Variants in CYP3A43 observed in about 807,000 individuals in gnomAD.
The protein encoded by CYP3A43 is cytochrome P450 family 3 subfamily A member 43, also known as cytochrome P450 3A43.
Under a neutral mutation model 58.0 loss-of-function variants are expected in CYP3A43, and 45 were observed. That is an observed-to-expected ratio of 0.78 (90% confidence interval 0.61 to 0.99). CYP3A43 has a LOEUF of 0.99. CYP3A43 is among the 50% of genes least tolerant of loss of function. The pLI is 0.00. For synonymous variants in CYP3A43, 191 were observed against 201.4 expected, an observed-to-expected ratio of 0.95 and a Z score of 0.44; for missense variants, 593 against 591.9, an observed-to-expected ratio of 1.00 and a Z score of -0.02.
chr7:99,852,643 C>G (rs571906911), intron 7 of CYP3A43, among the ~76,000 whole-genome samples: 33 of 152,204 alleles, frequency 2.2e-4, no homozygotes, highest in African/African-American at 7.5e-4. Context: ...TATTGACCTT[C>G]TATCTTCAAA....
chr7:99,834,087 C>T (rs1045849642), intron 1 of CYP3A43, among the ~76,000 whole-genome samples: 3 of 152,212 alleles, frequency 2.0e-5, no homozygotes, highest in South Asian at 2.1e-4. Context: ...AAATTTTTCA[C>T]ATACTCTTCC....
At chr7:99,847,707 A>C in intron 5 of CYP3A43, 106 bp downstream of exon 5, 2 of 1,551,346 alleles carry the variant, frequency 1.3e-6, no homozygotes, top group Non-Finnish European at 1.8e-6. Context: ...ACTGAGTTTG[A>C]GCTTTCTAAA....
intron 10 of CYP3A43, among the ~76,000 whole-genome samples, 154 bp downstream of exon 10, chr7:99,860,144 G>A (rs778320555): frequency 7.9e-5 from 12 of 152,202 alleles, no homozygotes; most frequent in Non-Finnish European, 1.5e-4. Context: ...AAAACAAAGG[G>A]AGAATCGTAG....
In CYP3A43 at chr7:99,848,157, G is replaced by A. The variant is rs371251791; in HGVS notation, c.433-9G>A. On this transcript the variant is annotated splice_polypyrimidine_tract_variant and intron_variant, in intron 5 of 12. Transcript: ENST00000354829. Reference sequence around the variant, plus strand: ...TGCGTAGTTAACTATGGGTGGTGTTGTGTTTTAGATGGTCCCCATCATTTC... The same window carrying A: ...TGCGTAGTTAACTATGGGTGGTGTTATGTTTTAGATGGTCCCCATCATTTC... 2 of 1,613,884 alleles carry A rather than the reference G, an allele frequency of 1.2e-6. No homozygotes were observed. The highest frequency in any genetic ancestry group is 1.7e-6 in the Non-Finnish European group (2 of 1,179,924).
At chr7:99,857,338 T>G (rs2151620624) in intron 9 of CYP3A43, among the ~76,000 whole-genome samples, 1 of 152,330 alleles carries the variant, frequency 6.6e-6, no homozygotes, top group Middle Eastern at 3.4e-3. Context: ...CCCTATATAA[T>G]GGAAAAGTAA....
At chr7:99,851,599 C>G (rs1817763513) in intron 7 of CYP3A43, among the ~76,000 whole-genome samples, 1 of 152,140 alleles carries the variant, frequency 6.6e-6, no homozygotes, top group Non-Finnish European at 1.5e-5. Flanking sequence ...AATGTCTGTT[C>G]AAGTCTTTTG....
chr7:99,843,043 A>T (rs947366982), intron 3 of CYP3A43, among the ~76,000 whole-genome samples: 1 of 152,156 alleles, frequency 6.6e-6, no homozygotes, highest in Non-Finnish European at 1.5e-5. Flanking sequence ...CTTTGCCTCT[A>T]TTCTCTCTTT....
rs17342647 is a variant in CYP3A43, at chr7:99,861,633, C to G, written c.1047C>G (p.Ala349=). Residue 349 remains alanine, a synonymous_variant, in exon 11 of 13, where the codon GCC becomes GCG. Transcript: ENST00000354829. Reference sequence around the variant, plus strand: ...CCCAGGCACCTGTCACCTACGATGCCCTGGTACAGATGGAGTACCTTGACA... The same window carrying G: ...CCCAGGCACCTGTCACCTACGATGCGCTGGTACAGATGGAGTACCTTGACA... ...LPNKAPVTYD[A]LVQMEYLDMV... 2 of 1,613,810 alleles carry G rather than the reference C, an allele frequency of 1.2e-6. No homozygotes were observed. Among genetic ancestry groups the G allele is most frequent in the East Asian group, 2.2e-5 (1 of 44,890 alleles).
chr7:99,848,265 C>A lies in CYP3A43; in HGVS notation c.521+11C>A. On this transcript the variant is annotated intron_variant, in intron 6 of 12. Transcript: ENST00000354829. ...CATCAACTTGAAAGAGTAAGTAGCA[C>A]AGTCTTGAGGTTCTGAGCTGTCATG... 4 of 1,613,654 alleles carry A rather than the reference C, an allele frequency of 2.5e-6. No individual in the cohort carries two copies. The highest frequency in any genetic ancestry group is 3.4e-6 in the Non-Finnish European group (4 of 1,179,750).
chr7:99,858,693 T>C (rs1364167139), intron 9 of CYP3A43, among the ~76,000 whole-genome samples: 1 of 105,468 alleles, frequency 9.5e-6, no homozygotes, highest in Non-Finnish European at 2.2e-5. Context: ...ATTATTATTA[T>C]TATTATTATT....
chr7:99,839,795 G>A (rs1325864747), intron 3 of CYP3A43, among the ~76,000 whole-genome samples: 1 of 152,178 alleles, frequency 6.6e-6, no homozygotes, highest in Non-Finnish European at 1.5e-5. Flanking sequence ...GATTTACATA[G>A]GGCATGAAAG....
At chr7:99,855,979 C>T (rs45480594) in intron 8 of CYP3A43, among the ~76,000 whole-genome samples, 25 of 152,036 alleles carry the variant, frequency 1.6e-4, no homozygotes, top group African/African-American at 2.9e-4. Flanking sequence ...GAAGCTTTAC[C>T]GCTTCTCTTC....
intron 2 of CYP3A43, among the ~76,000 whole-genome samples, chr7:99,837,336 GAAAAGAAA>G (rs367871195): frequency 1.5e-5 from 2 of 133,632 alleles, no homozygotes; most frequent in Non-Finnish European, 3.1e-5. Context: ...AAAAAAAAAA[GAAAAGAAA>G]AAAAGAAAAA....
At chr7:99,855,564 T>A (rs1817941552) in intron 7 of CYP3A43, 27 bp from the exon 8 acceptor site, 2 of 1,577,880 alleles carry the variant, frequency 1.3e-6, no homozygotes, top group East Asian at 2.2e-5. Context: ...GATTTATTTT[T>A]TCTTTTTCTA....
intron 2 of CYP3A43, 107 bp downstream of exon 2, chr7:99,836,653 C>T: frequency 1.2e-6 from 1 of 804,216 alleles, no homozygotes; most frequent in Non-Finnish European, 2.0e-6. Flanking sequence ...ATGTTTTACA[C>T]TTTCAGAAAT....
At chr7:99,843,131 T>A (rs562633212) in intron 3 of CYP3A43, among the ~76,000 whole-genome samples, 1 of 152,356 alleles carries the variant, frequency 6.6e-6, no homozygotes, top group African/African-American at 2.4e-5. Flanking sequence ...TTTTCCTCTA[T>A]GCCCTCTTTT....
At chr7:99,838,590 A>G (rs1323168729) in intron 2 of CYP3A43, 1 of 1,071,828 alleles carries the variant, frequency 9.3e-7, no homozygotes, top group Non-Finnish European at 1.2e-6. Context: ...AAGTCATTCA[A>G]TATCTACACT....
chr7:99,838,822 A>G (rs1817201557), intron 2 of CYP3A43: 1 of 535,312 alleles, frequency 1.9e-6, no homozygotes, highest in African/African-American at 2.0e-5. Context: ...TCTACTAAAT[A>G]TACAAAAATT....
chr7:99,831,164 G>C (rs1816829024), intron 1 of CYP3A43, among the ~76,000 whole-genome samples: 1 of 152,204 alleles, frequency 6.6e-6, no homozygotes, highest in African/African-American at 2.4e-5. Context: ...TAACAGCTGG[G>C]CCTGGCCAGG....
Sources: allele counts gnomAD v4.1 joint callset (sites outside exome capture counted in the v4.1 genomes callset), GRCh38; gene constraint gnomAD v4.1.1; transcripts MANE v1.5; gene names NCBI Gene and HGNC (gene_info 2026-07-23, HGNC 2026-07-21).